The following ALK variants were observed in gnomAD, a reference collection of about 807,000 sequenced individuals.
ALK encodes ALK receptor tyrosine kinase, also known as ALK tyrosine kinase receptor.
A neutral mutation model predicts 163.1 loss-of-function variants in ALK; 74 were observed. That is an observed-to-expected ratio of 0.45 (90% CI 0.38 to 0.55). The LOEUF is 0.55. Among genes scored for constraint, ALK ranks in the 20% least tolerant of loss-of-function variants. The probability of loss-of-function intolerance (pLI) is 0.00; values close to 1 mark genes in which losing one functional copy is unlikely to be tolerated. For synonymous variants in ALK, 960 were observed against 843.2 expected (o/e 1.14, Z -2.40); for missense variants, 2,063 against 2,105.3 (o/e 0.98, Z 0.39).
chr2:29,519,482 A>G (rs11686111), intron 4 of ALK, among the ~76,000 whole-genome samples: 17,535 of 152,266 alleles, frequency 0.12, 1,360 homozygotes, highest in Non-Finnish European at 0.18. Context: ...CCTTGGGTAT[A>G]TGATGAAATA....
intron 3 of ALK, among the ~76,000 whole-genome samples, chr2:29,651,688 T>C (rs749095121): frequency 2.0e-4 from 30 of 152,194 alleles, no homozygotes; most frequent in Non-Finnish European, 3.7e-4. Flanking sequence ...TGGAGTCGTG[T>C]AGTGACAACT....
At chr2:29,326,358 G>A (rs1219916958) in intron 6 of ALK, among the ~76,000 whole-genome samples, 1 of 152,210 alleles carries the variant, frequency 6.6e-6, no homozygotes, top group Non-Finnish European at 1.5e-5. Flanking sequence ...CCTTATCTGT[G>A]CCTTCATTTT....
intron 4 of ALK, among the ~76,000 whole-genome samples, chr2:29,483,747 AT>A (rs1356262728): frequency 6.6e-6 from 1 of 152,174 alleles, no homozygotes; most frequent in Non-Finnish European, 1.5e-5. Flanking sequence ...CTCCCTGTGT[AT>A]TCCTCTTAGA....
chr2:29,848,087 G>C (rs1008171262), intron 1 of ALK, among the ~76,000 whole-genome samples: 3 of 152,206 alleles, frequency 2.0e-5, no homozygotes, highest in South Asian at 2.1e-4. Flanking sequence ...GGTGAGGCTC[G>C]GTACGCAGCT....
intron 1 of ALK, among the ~76,000 whole-genome samples, chr2:29,880,901 C>T (rs1026590070): frequency 2.0e-5 from 3 of 152,162 alleles, no homozygotes; most frequent in African/African-American, 7.2e-5. Context: ...AATTTTGAAG[C>T]TCTCTGGATT....
chr2:29,512,885 A>C lies in ALK; in HGVS notation c.1154+19030T>G, dbSNP rs1198345503. Among the ~76,000 whole-genome samples the C allele has an allele frequency of 4.8e-5, 7 of 144,378 alleles. No individual in the cohort carries two copies. In the East Asian group the frequency reaches 1.4e-3, roughly 30 times the overall value. The allele number at this position is 144,378 out of a possible 152,430, so 94.7% of individuals were successfully genotyped here. A position where few individuals can be genotyped will look rare whatever the true frequency, so the allele number is the denominator to read the frequency against. ...AAACAGAGAGCCAAATCATGAGTGAACTCCCATTCACAATTGCTTCAAAGA... is the reference window on the plus strand; with the variant it reads ...AAACAGAGAGCCAAATCATGAGTGACCTCCCATTCACAATTGCTTCAAAGA... On this transcript the variant is annotated intron_variant, in intron 4 of 28. Transcript: ENST00000389048.
chr2:29,306,367 C>A (rs942564910), intron 8 of ALK, among the ~76,000 whole-genome samples: 12 of 152,170 alleles, frequency 7.9e-5, no homozygotes, highest in Non-Finnish European at 1.6e-4. Flanking sequence ...ACATGGAGTG[C>A]AATGCCCATG....
intron 4 of ALK, among the ~76,000 whole-genome samples, chr2:29,453,548 TTTC>T (rs1259043263): frequency 6.6e-6 from 1 of 152,148 alleles, no homozygotes; most frequent in Non-Finnish European, 1.5e-5. Flanking sequence ...AAATAAAAAG[TTTC>T]TTTTTTTTGA....
intron 1 of ALK, among the ~76,000 whole-genome samples, chr2:29,786,184 G>A (rs533538008): frequency 6.6e-6 from 1 of 151,936 alleles, no homozygotes; most frequent in East Asian, 1.9e-4. Flanking sequence ...CTTTGCCTAG[G>A]TTAGTTTTTT....
intron 3 of ALK, among the ~76,000 whole-genome samples, chr2:29,657,741 T>C (rs1467511961): frequency 6.6e-6 from 1 of 152,096 alleles, no homozygotes; most frequent in East Asian, 1.9e-4. Flanking sequence ...TAGGTCACGG[T>C]GGCTAAAGAG....
chr2:29,855,403 C>T (rs1273863982), intron 1 of ALK, among the ~76,000 whole-genome samples: 1 of 152,136 alleles, frequency 6.6e-6, no homozygotes, highest in Non-Finnish European at 1.5e-5. Context: ...GTGCCATGCT[C>T]ATTTCTTGGG....
At chr2:29,530,424 C>T (rs556884080) in intron 4 of ALK, among the ~76,000 whole-genome samples, 1 of 152,304 alleles carries the variant, frequency 6.6e-6, no homozygotes, top group Non-Finnish European at 1.5e-5. Context: ...CCAACTCCAC[C>T]TCTCCCAGCC....
rs557647354 is a variant in ALK at position 29,555,654 on chromosome 2, A to C, written c.953-23538T>G. Among the ~76,000 whole-genome samples, 3 of 152,320 alleles carry C rather than the reference A, an allele frequency of 2.0e-5. No homozygotes were observed. In the South Asian group the frequency reaches 6.2e-4, roughly 32 times the overall value. On this transcript the variant is annotated intron_variant, in intron 3 of 28. Transcript: ENST00000389048. ...AAATTCTGTAACAAAAGCCCAACTG[A>C]AGAAGCAGATAGTGAAATGACCTCA... is the stretch of plus-strand genomic sequence containing the variant.
intron 4 of ALK, among the ~76,000 whole-genome samples, chr2:29,529,765 T>C (rs1673067720): frequency 6.6e-6 from 1 of 152,228 alleles, no homozygotes; most frequent in South Asian, 2.1e-4. Flanking sequence ...TCTTTAAATC[T>C]GGAATCACTC....
chr2:29,409,982 T>A (rs1369418153), intron 4 of ALK, among the ~76,000 whole-genome samples: 1 of 152,204 alleles, frequency 6.6e-6, no homozygotes, highest in East Asian at 1.9e-4. Flanking sequence ...TGAGCCTTTA[T>A]CTTAATCATA....
intron 23 of ALK, among the ~76,000 whole-genome samples, chr2:29,219,725 A>G (rs1669750268): frequency 6.6e-6 from 1 of 152,142 alleles, no homozygotes; most frequent in Admixed American, 6.5e-5. Context: ...TTCTAGTCCA[A>G]TCCTCAGATC....
At chr2:29,247,245 A>C (rs1325590964) in intron 12 of ALK, among the ~76,000 whole-genome samples, 1 of 152,180 alleles carries the variant, frequency 6.6e-6, no homozygotes, top group African/African-American at 2.4e-5. Context: ...ATGCCTGTGC[A>C]CACACCACCA....
chr2:29,853,975 T>A (rs780129134), intron 1 of ALK, among the ~76,000 whole-genome samples: 2 of 151,564 alleles, frequency 1.3e-5, no homozygotes, highest in Non-Finnish European at 2.9e-5. Context: ...AGTGGCACGA[T>A]CTGGGCTCGC....
At chr2:29,308,631 G>C (rs1666600357) in intron 8 of ALK, among the ~76,000 whole-genome samples, 1 of 152,198 alleles carries the variant, frequency 6.6e-6, no homozygotes, top group African/African-American at 2.4e-5. Flanking sequence ...AGAAAGAATG[G>C]TCTATTTTTT....
Sources: allele counts gnomAD v4.1 joint callset (sites outside exome capture counted in the v4.1 genomes callset), GRCh38; gene constraint gnomAD v4.1.1; transcripts MANE v1.5; gene names NCBI Gene and HGNC (gene_info 2026-07-23, HGNC 2026-07-21).